ROBO2: variants seen among roughly 807,000 people sequenced by gnomAD.
The protein encoded by ROBO2 is roundabout guidance receptor 2.
A neutral mutation model predicts 160.8 loss-of-function variants in ROBO2; 53 were observed. The observed-to-expected ratio is 0.33, with a 90% CI of 0.26 to 0.41. The LOEUF (loss-of-function observed/expected upper bound fraction) is 0.41, where lower values mean the gene tolerates loss of function less well. Ranked by LOEUF, ROBO2 falls within the 10% of genes least tolerant of loss-of-function variation. The pLI, the probability that ROBO2 is intolerant of heterozygous loss-of-function variation, is 1.00. For synonymous variants in ROBO2, 664 were observed against 611.7 expected (o/e 1.09, Z -1.26); for missense variants, 1,577 against 1,722.4 (o/e 0.92, Z 1.49).
chr3:77,382,752 T>C (rs2073670835), intron 2 of ROBO2, among the ~76,000 whole-genome samples: 1 of 152,246 alleles, frequency 6.6e-6, no homozygotes, highest in African/African-American at 2.4e-5. Flanking sequence ...CGCTACTTTG[T>C]TCTTTCTTAT....
intron 2 of ROBO2, chr3:77,317,237 T>A (rs2064097524): frequency 3.7e-6 from 3 of 803,142 alleles, no homozygotes; most frequent in Non-Finnish European, 6.7e-6. Flanking sequence ...CAGCCCAGGT[T>A]AATGTGCTCC....
At chr3:77,493,119 G>C in intron 4 of ROBO2, 125 bp from the exon 5 acceptor site, 1 of 889,692 alleles carries the variant, frequency 1.1e-6, no homozygotes, top group Non-Finnish European at 1.8e-6. Flanking sequence ...AAACACAGCT[G>C]AGGTACAGAG....
intron 2 of ROBO2, among the ~76,000 whole-genome samples, chr3:77,421,975 A>G (rs2077756350): frequency 6.6e-6 from 1 of 152,186 alleles, no homozygotes; most frequent in Non-Finnish European, 1.5e-5. Flanking sequence ...AATTTATTCA[A>G]ATGAATTAGA....
At chr3:77,030,741 A>G (rs2063268895) in intron 2 of ROBO2, among the ~76,000 whole-genome samples, 1 of 152,152 alleles carries the variant, frequency 6.6e-6, no homozygotes, top group Non-Finnish European at 1.5e-5. Context: ...ATCTCTGTCC[A>G]AATTTCCCTC....
At chr3:76,314,736 A>T (rs886494128) in intron 2 of ROBO2, among the ~76,000 whole-genome samples, 1 of 152,154 alleles carries the variant, frequency 6.6e-6, no homozygotes, top group Non-Finnish European at 1.5e-5. Context: ...TACAGTATAT[A>T]ATACATATAA....
chr3:76,107,180 A>G lies in ROBO2; in HGVS notation c.109+169578A>G, dbSNP rs17013790. 5.4e-3 allele frequency among the ~76,000 whole-genome samples: 819 copies of G among 152,206 alleles called. 11 individuals carry two copies. The highest frequency in any genetic ancestry group is 0.019 in the African/African-American group (791 of 41,546). ...GAAGAAACTGGCAGGTATTTGTTCA[A>G]GTTGAGGTAGTTATTGTTACTACTC... On this transcript the variant is annotated intron_variant, in intron 2 of 26. Coordinates refer to the ROBO2 transcript ENST00000487694.
chr3:76,677,880 G>A (rs2092450452), intron 2 of ROBO2, among the ~76,000 whole-genome samples: 1 of 146,894 alleles, frequency 6.8e-6, no homozygotes, highest in Admixed American at 6.9e-5. Context: ...CTGCTGACTT[G>A]CCTATGATTG....
chr3:76,428,142 A>C (rs186969625), intron 2 of ROBO2, among the ~76,000 whole-genome samples: 16 of 152,256 alleles, frequency 1.1e-4, no homozygotes, highest in African/African-American at 3.6e-4. Flanking sequence ...TCTGTTCAGC[A>C]GGAAATATTA....
chr3:75,980,334 C>T (rs2107441596), intron 2 of ROBO2, among the ~76,000 whole-genome samples: 1 of 151,604 alleles, frequency 6.6e-6, no homozygotes, highest in Admixed American at 6.6e-5. Context: ...GTTCCTGATC[C>T]AACAATCACT....
chr3:76,151,554 C>G (rs1477128239), intron 2 of ROBO2, among the ~76,000 whole-genome samples: 1 of 152,142 alleles, frequency 6.6e-6, no homozygotes, highest in Non-Finnish European at 1.5e-5. Flanking sequence ...ATTTCCTGAG[C>G]AGAAATAGAA....
intron 1 of ROBO2, among the ~76,000 whole-genome samples, chr3:77,097,126 G>T (rs1195334121): frequency 6.6e-6 from 1 of 152,122 alleles, no homozygotes; most frequent in Admixed American, 6.5e-5. Flanking sequence ...CCTTGTCTCA[G>T]GCTCCAAGAC....
chr3:76,826,877 C>A (rs2066635775), intron 2 of ROBO2, among the ~76,000 whole-genome samples: 1 of 152,142 alleles, frequency 6.6e-6, no homozygotes, highest in Admixed American at 6.6e-5. Flanking sequence ...AGAGAAACAG[C>A]TGTCCCTTGT....
intron 2 of ROBO2, among the ~76,000 whole-genome samples, chr3:76,880,126 C>A (rs1326311381): frequency 6.6e-6 from 1 of 152,068 alleles, no homozygotes; most frequent in Non-Finnish European, 1.5e-5. Context: ...ATGATTAGGT[C>A]ACATGGTCAG....
intron 2 of ROBO2, among the ~76,000 whole-genome samples, chr3:77,103,189 G>T (rs1033881840): frequency 6.6e-6 from 1 of 152,178 alleles, no homozygotes; most frequent in African/African-American, 2.4e-5. Flanking sequence ...GCCCCAGGTG[G>T]CAAATAGATG....
At chr3:76,398,678 T>A (rs2077627174) in intron 2 of ROBO2, among the ~76,000 whole-genome samples, 1 of 151,756 alleles carries the variant, frequency 6.6e-6, no homozygotes, top group Non-Finnish European at 1.5e-5. Flanking sequence ...ACTAGTAGTA[T>A]ATTCTAAACT....
intron 2 of ROBO2, among the ~76,000 whole-genome samples, chr3:76,272,923 T>TAAA (rs1471196333): frequency 0.06 from 1,474 of 24,588 alleles, 90 homozygotes; most frequent in Non-Finnish European, 0.14. Context: ...ATAAAATATA[T>TAAA]ATATTTATAT....
chr3:76,913,859 CCTT>C (rs1208688575), intron 2 of ROBO2, among the ~76,000 whole-genome samples: 1 of 151,724 alleles, frequency 6.6e-6, no homozygotes, highest in African/African-American at 2.4e-5. Context: ...GAAAAATACT[CCTT>C]TAGAGGAGTA....
intron 2 of ROBO2, among the ~76,000 whole-genome samples, chr3:76,713,565 A>T (rs1423315782): frequency 1.3e-5 from 2 of 152,154 alleles, no homozygotes; most frequent in Admixed American, 6.6e-5. Flanking sequence ...CACTTTTTAA[A>T]AACTTACTTT....
intron 2 of ROBO2, among the ~76,000 whole-genome samples, chr3:76,716,315 G>A (rs916000087): frequency 1.9e-4 from 29 of 152,102 alleles, no homozygotes; most frequent in African/African-American, 7.0e-4. Context: ...ATCATTACTT[G>A]AGTAAACATT....
Sources: gnomAD v4.1 joint callset for allele counts (sites outside exome capture counted in the v4.1 genomes callset) on GRCh38, gnomAD v4.1.1 for gene constraint, MANE v1.5 for transcripts, NCBI Gene and HGNC (gene_info 2026-07-23, HGNC 2026-07-21) for gene names.